The following CRIM1 variants were observed in gnomAD, a reference collection of about 807,000 sequenced individuals.
CRIM1 encodes cysteine-rich motor neuron 1 protein.
CRIM1 carries 32 observed loss-of-function variants against 116.4 expected under a neutral mutation model. That is an observed-to-expected ratio of 0.27 (90% CI 0.21 to 0.37). The LOEUF (loss-of-function observed/expected upper bound fraction) is 0.37. Ranked by LOEUF, CRIM1 falls within the 10% of genes least tolerant of loss-of-function variation. The pLI is 1.00. For synonymous variants in CRIM1, 590 were observed against 509.2 expected (o/e 1.16, Z -2.13); for missense variants, 1,331 against 1,354.8 (o/e 0.98, Z 0.28).
At chr2:36,402,298 A>G (rs1414834486) in intron 2 of CRIM1, among the ~76,000 whole-genome samples, 1 of 152,168 alleles carries the variant, frequency 6.6e-6, no homozygotes, top group African/African-American at 2.4e-5. Context: ...TCCAAACTGA[A>G]ATCTCAAAGC....
At chr2:36,374,362 G>A (rs551828159) in intron 1 of CRIM1, among the ~76,000 whole-genome samples, 2 of 152,158 alleles carry the variant, frequency 1.3e-5, no homozygotes, top group Non-Finnish European at 2.9e-5. Context: ...GAATGCTACT[G>A]TAAAGGGATA....
intron 2 of CRIM1, among the ~76,000 whole-genome samples, chr2:36,419,342 A>G (rs1210839437): frequency 2.0e-5 from 3 of 152,242 alleles, no homozygotes; most frequent in African/African-American, 4.8e-5. Context: ...TGTGATTGAC[A>G]TCAGATTGAA....
intron 4 of CRIM1, among the ~76,000 whole-genome samples, chr2:36,457,331 C>T (rs1314572056): frequency 6.6e-6 from 1 of 151,588 alleles, no homozygotes; most frequent in African/African-American, 2.4e-5. Context: ...TGATTCCTCC[C>T]CCCAGAAAAA....
At chr2:36,468,770 A>G (rs1246405669) in intron 5 of CRIM1, among the ~76,000 whole-genome samples, 1 of 152,228 alleles carries the variant, frequency 6.6e-6, no homozygotes, top group Non-Finnish European at 1.5e-5. Flanking sequence ...GCTGTCTTAC[A>G]CATGGCCCAC....
At chr2:36,399,961 G>A (rs1481268542) in intron 2 of CRIM1, among the ~76,000 whole-genome samples, 1 of 152,198 alleles carries the variant, frequency 6.6e-6, no homozygotes, top group African/African-American at 2.4e-5. Flanking sequence ...GAGGTTAGTG[G>A]TTATGCCTTT....
intron 14 of CRIM1, among the ~76,000 whole-genome samples, chr2:36,538,620 G>T (rs944352776): frequency 5.9e-5 from 9 of 152,180 alleles, no homozygotes; most frequent in Admixed American, 3.9e-4. Flanking sequence ...TTGTTTAGGC[G>T]TTGTGCAGAC....
intron 12 of CRIM1, among the ~76,000 whole-genome samples, chr2:36,521,791 C>T (rs1240027375): frequency 6.6e-6 from 1 of 152,230 alleles, no homozygotes; most frequent in African/African-American, 2.4e-5. Flanking sequence ...CATTTACTTA[C>T]ATGCATTGTA....
At chr2:36,473,414 G>A (rs1395247216) in intron 5 of CRIM1, among the ~76,000 whole-genome samples, 1 of 152,078 alleles carries the variant, frequency 6.6e-6, no homozygotes, top group Non-Finnish European at 1.5e-5. Flanking sequence ...CAATTCTGTT[G>A]TTTTCAGTGT....
At chr2:36,357,298 G>T (rs1199880876) in intron 1 of CRIM1, among the ~76,000 whole-genome samples, 2 of 152,138 alleles carry the variant, frequency 1.3e-5, no homozygotes, top group African/African-American at 4.8e-5. Flanking sequence ...GGGGGGTGGG[G>T]GTTGCACCTG....
chr2:36,381,200 G>C (rs1670739257), intron 1 of CRIM1, among the ~76,000 whole-genome samples: 2 of 152,234 alleles, frequency 1.3e-5, no homozygotes, highest in Non-Finnish European at 2.9e-5. Flanking sequence ...GCAGTTGAGT[G>C]TCCTGGATGG....
At chr2:36,537,630 T>C (rs1666643348) in intron 14 of CRIM1, 84 bp downstream of exon 14, 2 of 1,398,228 alleles carry the variant, frequency 1.4e-6, no homozygotes, top group Non-Finnish European at 9.5e-7. Context: ...CTGCCCCTTC[T>C]TTCATTCGTT....
chr2:36,466,122 G>C (rs370645087), intron 5 of CRIM1, among the ~76,000 whole-genome samples: 1 of 151,956 alleles, frequency 6.6e-6, no homozygotes, highest in Non-Finnish European at 1.5e-5. Context: ...TCCTGCCCTC[G>C]TGATCCACCC....
intron 16 of CRIM1, among the ~76,000 whole-genome samples, chr2:36,548,104 T>C (rs1667478008): frequency 6.6e-6 from 1 of 152,114 alleles, no homozygotes; most frequent in African/African-American, 2.4e-5. Flanking sequence ...GTGTATGGAG[T>C]GACTAGCAAC....
At chr2:36,439,661 A>G (rs1247406528) in intron 2 of CRIM1, among the ~76,000 whole-genome samples, 1 of 149,936 alleles carries the variant, frequency 6.7e-6, no homozygotes, top group Non-Finnish European at 1.5e-5. Flanking sequence ...TCGTCCCCTC[A>G]CTCCTTCAAG....
intron 4 of CRIM1, among the ~76,000 whole-genome samples, chr2:36,447,950 G>A (rs544924324): frequency 9.8e-5 from 15 of 152,308 alleles, no homozygotes; most frequent in African/African-American, 3.6e-4. Context: ...GTGCCCAGCA[G>A]CTCTTTTTCT....
At chr2:36,521,220 C>T (rs72789220) in intron 12 of CRIM1, among the ~76,000 whole-genome samples, 3,041 of 152,172 alleles carry the variant, frequency 0.02, 50 homozygotes, top group Non-Finnish European at 0.031. Context: ...GTAACTAGAT[C>T]TGGGGACTTC....
intron 14 of CRIM1, among the ~76,000 whole-genome samples, chr2:36,540,932 G>C (rs140677437): frequency 6.6e-6 from 1 of 152,306 alleles, no homozygotes; most frequent in Non-Finnish European, 1.5e-5. Context: ...CATCATTAGA[G>C]ATTTCTCCAG....
chr2:36,421,382 A>G (rs1674053656), intron 2 of CRIM1, among the ~76,000 whole-genome samples: 1 of 152,246 alleles, frequency 6.6e-6, no homozygotes, highest in African/African-American at 2.4e-5. Flanking sequence ...ATTAATCTTT[A>G]TAAAGCAAAC....
chr2:36,476,668 A>G (rs367543570), intron 5 of CRIM1, among the ~76,000 whole-genome samples: 14 of 151,550 alleles, frequency 9.2e-5, no homozygotes, highest in East Asian at 2.0e-4. Flanking sequence ...CCTAGGGGGA[A>G]TTTCTGTTCC....
Sources: allele counts gnomAD v4.1 joint callset (sites outside exome capture counted in the v4.1 genomes callset), GRCh38; gene constraint gnomAD v4.1.1; transcripts MANE v1.5; gene names NCBI Gene and HGNC (gene_info 2026-07-23, HGNC 2026-07-21).